VCL: variants seen among roughly 807,000 people sequenced by gnomAD.
The protein encoded by VCL is vinculin, also known as epididymis luminal protein 114.
In VCL, 47 loss-of-function variants were observed where a neutral mutation model predicts 125.7. The observed-to-expected ratio is 0.37, with a 90% CI of 0.30 to 0.48. VCL has a LOEUF of 0.48. Ranked by LOEUF, VCL falls within the 20% of genes least tolerant of loss-of-function variation. VCL has a pLI of 0.99. For missense variants in VCL, 1,069 were observed against 1,455.5 expected (o/e 0.73, Z 4.32); for synonymous variants, 458 against 514.6 (o/e 0.89, Z 1.49).
chr10:74,038,495 T>C (rs1025201490), intron 1 of VCL, among the ~76,000 whole-genome samples: 2 of 152,240 alleles, frequency 1.3e-5, no homozygotes. Flanking sequence ...AACAGTGCCG[T>C]TCGTTGTCCC....
chr10:74,082,556 GT>G lies in VCL; in HGVS notation c.874+14del, dbSNP rs762579693. 1 of 1,613,684 alleles carries G rather than the reference GT, an allele frequency of 6.2e-7. No individual in the cohort carries two copies. Among genetic ancestry groups the G allele is most frequent in the Non-Finnish European group, 8.5e-7 (1 of 1,179,700 alleles). ...TAGTGCCTCCCCAGGTAACCCTCTA[GT>G]TCTGCTTTTCTGATCAATACAACGA... On this transcript the variant is annotated intron_variant, in intron 7 of 21. Transcript: ENST00000211998.
chr10:74,077,789 A>T (rs1159934091), intron 6 of VCL: 1 of 452,420 alleles, frequency 2.2e-6, no homozygotes, highest in African/African-American at 2.0e-5. Context: ...GTCTTGCCGA[A>T]TAAGTTAAGA....
intron 2 of VCL, among the ~76,000 whole-genome samples, chr10:74,044,047 C>T (rs2136249604): frequency 6.6e-6 from 1 of 151,844 alleles, no homozygotes; most frequent in East Asian, 1.9e-4. Context: ...GGAGGTGGAG[C>T]TTGCAGTGAG....
Position 74,082,642 on chromosome 10 carries a change from G to C in VCL, c.874+98G>C, listed in dbSNP as rs1839695811. On this transcript the variant is annotated intron_variant, in intron 7 of 21. Coordinates refer to ENST00000211998, the MANE Select transcript of VCL (RefSeq NM_014000.3). ...TTTCCCATAATCTCATCATCTGAGA[G>C]AACTACTGTAACATTATGGGGCATA... is the stretch of plus-strand genomic sequence containing the variant. 12 of 1,267,094 alleles carry C rather than the reference G, an allele frequency of 9.5e-6. No homozygotes were observed. In the South Asian group the frequency reaches 1.5e-4, roughly 16 times the overall value. The allele number at this position is 1,267,094 out of a possible 1,614,324, so 78.5% of individuals were successfully genotyped here. A position where few individuals can be genotyped will look rare whatever the true frequency, so the allele number is the denominator to read the frequency against.
At chr10:74,019,799 A>G (rs557464118) in intron 1 of VCL, among the ~76,000 whole-genome samples, 1 of 152,362 alleles carries the variant, frequency 6.6e-6, no homozygotes, top group East Asian at 1.9e-4. Flanking sequence ...GTGATGGCTC[A>G]CGCCTCTAAT....
rs116846887 is a variant in VCL at position 74,081,893 on chromosome 10, G to T, written c.784-561G>T. Among the ~76,000 whole-genome samples the T allele has an allele frequency of 5.0e-3, 769 of 152,286 alleles. 2 individuals carry two copies. The highest frequency in any genetic ancestry group is 8.5e-3 in the Non-Finnish European group (575 of 68,024). On this transcript the variant is annotated intron_variant, in intron 6 of 21. Transcript: ENST00000211998. Reference sequence around the variant, plus strand: ...TATTACTTTGAGGGGTTTATTTGTAGAATTAAAATTAAACTGCTAGATTAA... The same window carrying T: ...TATTACTTTGAGGGGTTTATTTGTATAATTAAAATTAAACTGCTAGATTAA...
At chr10:74,117,306 C>T (rs1323717409) in intron 21 of VCL, among the ~76,000 whole-genome samples, 1 of 152,110 alleles carries the variant, frequency 6.6e-6, no homozygotes, top group Non-Finnish European at 1.5e-5. Flanking sequence ...AACTCCCAAA[C>T]AACCTAGGTA....
intron 2 of VCL, among the ~76,000 whole-genome samples, chr10:74,061,490 T>G (rs1200005630): frequency 6.6e-6 from 1 of 152,218 alleles, no homozygotes; most frequent in East Asian, 1.9e-4. Context: ...TTTGAAAAAC[T>G]TATACAGTAA....
chr10:74,032,104 T>C (rs1840884983), intron 1 of VCL, among the ~76,000 whole-genome samples: 1 of 142,568 alleles, frequency 7.0e-6, no homozygotes. Flanking sequence ...CCGGGTGTGG[T>C]TGTATACACC....
intron 20 of VCL, 93 bp from the exon 21 acceptor site, chr10:74,114,702 C>A: frequency 7.4e-7 from 1 of 1,344,798 alleles, no homozygotes; most frequent in Non-Finnish European, 1.0e-6. Context: ...TCTGTGCCAG[C>A]CACTGGGAAT....
intron 2 of VCL, among the ~76,000 whole-genome samples, chr10:74,057,932 A>C (rs1215418320): frequency 6.6e-6 from 1 of 152,204 alleles, no homozygotes; most frequent in Non-Finnish European, 1.5e-5. Context: ...CATGCAATTA[A>C]AATATTAAAT....
intron 2 of VCL, among the ~76,000 whole-genome samples, chr10:74,045,021 A>G (rs551323721): frequency 4.6e-5 from 7 of 152,028 alleles, no homozygotes; most frequent in African/African-American, 1.4e-4. Flanking sequence ...TCTACAAAAC[A>G]TTAGCTCCGT....
intron 2 of VCL, among the ~76,000 whole-genome samples, chr10:74,048,183 T>C (rs1011449644): frequency 3.3e-5 from 5 of 152,148 alleles, no homozygotes; most frequent in Non-Finnish European, 5.9e-5. Flanking sequence ...AATCATTTGT[T>C]CCTGGCTGGG....
At chr10:74,044,987 TG>T in intron 2 of VCL, among the ~76,000 whole-genome samples, 1 of 151,900 alleles carries the variant, frequency 6.6e-6, no homozygotes, top group Non-Finnish European at 1.5e-5. Context: ...GAGACCAGCC[TG>T]GGCAACATGG....
chr10:74,094,965 T>G (rs1457312383), intron 11 of VCL, among the ~76,000 whole-genome samples: 1 of 152,182 alleles, frequency 6.6e-6, no homozygotes, highest in Non-Finnish European at 1.5e-5. Flanking sequence ...AACAAAATTC[T>G]AAGTTAGTTA....
intron 1 of VCL, among the ~76,000 whole-genome samples, chr10:74,014,122 T>C (rs774207620): frequency 6.6e-6 from 1 of 152,156 alleles, no homozygotes; most frequent in Non-Finnish European, 1.5e-5. Flanking sequence ...TTAGAAGCAA[T>C]AGTGAGGGAA....
At chr10:74,082,660 G>C in intron 7 of VCL, 116 bp downstream of exon 7, 1 of 1,055,684 alleles carries the variant, frequency 9.5e-7, no homozygotes, top group Non-Finnish European at 1.4e-6. Context: ...GTAACATTAT[G>C]GGGCATACCC....
chr10:74,055,346 A>T (rs901745246), intron 2 of VCL, among the ~76,000 whole-genome samples: 1 of 151,928 alleles, frequency 6.6e-6, no homozygotes, highest in Non-Finnish European at 1.5e-5. Flanking sequence ...ATTTTATTTT[A>T]TTTTATATAA....
intron 18 of VCL, 58 bp downstream of exon 18, chr10:74,109,214 C>G: frequency 6.2e-7 from 1 of 1,600,458 alleles, no homozygotes; most frequent in Non-Finnish European, 8.5e-7. Context: ...GGATGAAGGA[C>G]CATGAAAGAC....
Sources: gnomAD v4.1 joint callset for allele counts (sites outside exome capture counted in the v4.1 genomes callset) on GRCh38, gnomAD v4.1.1 for gene constraint, MANE v1.5 for transcripts, NCBI Gene and HGNC (gene_info 2026-07-23, HGNC 2026-07-21) for gene names.